Variants in FIP1L1 observed in about 807,000 individuals in gnomAD.
FIP1L1 encodes the protein factor interacting with PAPOLA and CPSF1.
FIP1L1 carries 21 observed loss-of-function variants against 84.6 expected under a neutral mutation model. That is an observed-to-expected ratio of 0.25 (90% CI 0.18 to 0.36). The LOEUF is 0.36. FIP1L1 is among the 10% of genes least tolerant of loss of function. The probability of loss-of-function intolerance (pLI) is 1.00; values close to 1 mark genes in which losing one functional copy is unlikely to be tolerated. For missense variants in FIP1L1, 526 were observed against 751.1 expected (o/e 0.70, Z 3.50); for synonymous variants, 263 against 242.3 (o/e 1.09, Z -0.80).
At chr4:53,380,636 C>T (rs1357657197) in intron 3 of FIP1L1, among the ~76,000 whole-genome samples, 1 of 152,176 alleles carries the variant, frequency 6.6e-6, no homozygotes, top group Non-Finnish European at 1.5e-5. Flanking sequence ...GGAGCTGAAA[C>T]TACAGTTCAG....
chr4:53,420,023 C>T (rs1445845447), intron 11 of FIP1L1, among the ~76,000 whole-genome samples: 3 of 151,422 alleles, frequency 2.0e-5, no homozygotes, highest in Non-Finnish European at 4.4e-5. Flanking sequence ...GGTGCAACCC[C>T]GTCTCTACTA....
chr4:53,417,759 ACACACT>A (rs1760321149), intron 11 of FIP1L1, among the ~76,000 whole-genome samples: 7 of 54,162 alleles, frequency 1.3e-4, no homozygotes, highest in Admixed American at 1.9e-4. Context: ...ACACACACAC[ACACACT>A]CTCTCTCTCT....
In FIP1L1 at chr4:53,377,696, G is replaced by C. The variant is rs1735288535; in HGVS notation, c.-143G>C. ...CTTCATCTTTGCCGCCGCTGCCGTC[G>C]CCTTCCTGGGATTGGAGTCTCGAGC... On this transcript the variant is annotated 5_prime_UTR_variant, in exon 1 of 18. Coordinates refer to ENST00000337488, the MANE Select transcript of FIP1L1 (RefSeq NM_030917.4). The C allele has an allele frequency of 4.3e-6, 3 of 691,720 alleles. No homozygotes were observed. The highest frequency in any genetic ancestry group is 3.1e-5 in the East Asian group (1 of 32,448). The allele number at this position is 691,720 out of a possible 1,614,324, so 42.8% of individuals were successfully genotyped here. A position where few individuals can be genotyped will look rare whatever the true frequency, so the allele number is the denominator to read the frequency against.
intron 10 of FIP1L1, among the ~76,000 whole-genome samples, chr4:53,402,885 A>G (rs1271884391): frequency 6.6e-6 from 1 of 152,228 alleles, no homozygotes; most frequent in East Asian, 1.9e-4. Flanking sequence ...TCATAAGAAC[A>G]GTAACGAAGG....
Position 53,455,786 on chromosome 4 carries a change from G to A in FIP1L1, c.1499+2653G>A, listed in dbSNP as rs150607146. The stretch of plus-strand genomic sequence containing the variant: ...ATTGTCAAGCTGTCTAGGACTGGTC[G>A]GTAGCTTAAAACTTTACCAAAAAAA... On this transcript the variant is annotated intron_variant, in intron 16 of 17. Transcript: ENST00000337488. Among the ~76,000 whole-genome samples, 137 of 152,000 alleles carry A rather than the reference G, an allele frequency of 9.0e-4. 1 individual carries two copies. Among genetic ancestry groups the A allele is most frequent in the Admixed American group, 2.4e-3 (37 of 15,258 alleles).
At chr4:53,401,749 A>T (rs1471981763) in intron 10 of FIP1L1, among the ~76,000 whole-genome samples, 21 of 152,226 alleles carry the variant, frequency 1.4e-4, no homozygotes, top group Admixed American at 1.4e-3. Flanking sequence ...TGGAGGAAGA[A>T]GACCAAGAGT....
At chr4:53,420,212 A>AAAAAAAAAAC (rs1761712918) in intron 11 of FIP1L1, among the ~76,000 whole-genome samples, 20 of 143,064 alleles carry the variant, frequency 1.4e-4, no homozygotes, top group African/African-American at 5.2e-4. Flanking sequence ...AAAAAAAAAA[A>AAAAAAAAAAC]AAAAAAAAAA....
intron 10 of FIP1L1, among the ~76,000 whole-genome samples, chr4:53,414,098 G>C (rs1758387279): frequency 6.6e-6 from 1 of 151,942 alleles, no homozygotes; most frequent in Non-Finnish European, 1.5e-5. Flanking sequence ...AACTTTTTTG[G>C]GAACTTTACT....
At chr4:53,406,699 T>A (rs1753701441) in intron 10 of FIP1L1, among the ~76,000 whole-genome samples, 1 of 152,224 alleles carries the variant, frequency 6.6e-6, no homozygotes. Context: ...CTATTATTGG[T>A]CTATTCAGGG....
chr4:53,444,123 TG>T lies in FIP1L1; in HGVS notation c.1285+21del. 1 of 1,484,764 alleles carries T rather than the reference TG, an allele frequency of 6.7e-7. No individual in the cohort carries two copies. The highest frequency in any genetic ancestry group is 9.4e-7 in the Non-Finnish European group (1 of 1,061,728). 92.0% of individuals were successfully genotyped at this position (1,484,764 alleles called of 1,614,324 possible). On this transcript the variant is annotated intron_variant, in intron 15 of 17. Coordinates refer to ENST00000337488, the MANE Select transcript of FIP1L1 (RefSeq NM_030917.4). ...GCAATGGTAAGTAGTATTATTTAGA[TG>T]CCTAGATTCAGTTTGAATCAGTAAA...
intron 13 of FIP1L1, among the ~76,000 whole-genome samples, chr4:53,435,398 C>T (rs1405413064): frequency 6.6e-6 from 1 of 152,130 alleles, no homozygotes; most frequent in Non-Finnish European, 1.5e-5. Context: ...CTTCTGCTTA[C>T]ACTGCTCTTT....
At chr4:53,423,291 T>A (rs1053306883) in intron 11 of FIP1L1, among the ~76,000 whole-genome samples, 3 of 152,136 alleles carry the variant, frequency 2.0e-5, no homozygotes, top group Non-Finnish European at 4.4e-5. Context: ...TACTAGATGG[T>A]TGAGTCCAAT....
chr4:53,433,680 G>A (rs1226428880), intron 13 of FIP1L1, among the ~76,000 whole-genome samples: 1 of 152,112 alleles, frequency 6.6e-6, no homozygotes, highest in South Asian at 2.1e-4. Flanking sequence ...TTGAAGAAGG[G>A]TCTTTGCTTT....
At chr4:53,409,033 T>G (rs1755520985) in intron 10 of FIP1L1, among the ~76,000 whole-genome samples, 2 of 152,318 alleles carry the variant, frequency 1.3e-5, no homozygotes, top group South Asian at 2.1e-4. Flanking sequence ...TTCCGTTGCT[T>G]GTGAGGAACT....
At chr4:53,414,025 A>G (rs542934675) in intron 10 of FIP1L1, among the ~76,000 whole-genome samples, 28 of 152,292 alleles carry the variant, frequency 1.8e-4, no homozygotes, top group African/African-American at 6.7e-4. Flanking sequence ...TTAGTTCTGT[A>G]AAGTATTGGC....
chr4:53,382,371 A>G (rs1738558628), intron 4 of FIP1L1, 36 bp downstream of exon 4: 2 of 1,494,362 alleles, frequency 1.3e-6, no homozygotes, highest in South Asian at 1.1e-5. Flanking sequence ...TACTGATACA[A>G]ATCTTTATCA....
At chr4:53,407,594 A>C (rs940239620) in intron 10 of FIP1L1, among the ~76,000 whole-genome samples, 5 of 149,584 alleles carry the variant, frequency 3.3e-5, no homozygotes, top group Non-Finnish European at 7.4e-5. Flanking sequence ...TGGTCTGTCT[A>C]ATGTTGACAG....
At position 53,459,459 on chromosome 4, in the gene FIP1L1, T is replaced by G; in HGVS notation, c.*10T>G. 1 of 1,613,478 alleles carries G rather than the reference T, an allele frequency of 6.2e-7. No homozygotes were observed. Among genetic ancestry groups the G allele is most frequent in the South Asian group, 1.1e-5 (1 of 91,076 alleles). On this transcript the variant is annotated 3_prime_UTR_variant, in exon 18 of 18. Coordinates refer to ENST00000337488, the MANE Select transcript of FIP1L1 (RefSeq NM_030917.4). ...TACACCTGCAGAATAGGCATGGTTT[T>G]GGCCTTTTGTGTATATTAGTACCAG...
chr4:53,413,077 T>C (rs1344637571), intron 10 of FIP1L1, among the ~76,000 whole-genome samples: 1 of 152,150 alleles, frequency 6.6e-6, no homozygotes, highest in Non-Finnish European at 1.5e-5. Flanking sequence ...GTATGATTTA[T>C]ATATACTGTA....
Sources: gnomAD v4.1 joint callset for allele counts (sites outside exome capture counted in the v4.1 genomes callset) on GRCh38, gnomAD v4.1.1 for gene constraint, MANE v1.5 for transcripts, NCBI Gene and HGNC (gene_info 2026-07-23, HGNC 2026-07-21) for gene names.